HIVEP3: variants seen among roughly 807,000 people sequenced by gnomAD.
The protein encoded by HIVEP3 is transcription factor HIVEP3.
A neutral mutation model predicts 152.8 loss-of-function variants in HIVEP3; 49 were observed. That is an observed-to-expected ratio of 0.32 (90% CI 0.26 to 0.41). The LOEUF is 0.41. Ranked by LOEUF, HIVEP3 falls within the 10% of genes least tolerant of loss-of-function variation. The probability of loss-of-function intolerance (pLI) is 1.00; values close to 1 mark genes in which losing one functional copy is unlikely to be tolerated. For missense variants in HIVEP3, 2,790 were observed against 3,103.3 expected (o/e 0.90, Z 2.40); for synonymous variants, 1,269 against 1,289.0 (o/e 0.98, Z 0.33).
chr1:41,698,694 C>T (rs1288246944), intron 2 of HIVEP3, among the ~76,000 whole-genome samples: 1 of 152,104 alleles, frequency 6.6e-6, no homozygotes, highest in Admixed American at 6.5e-5. Flanking sequence ...GGCCCCATGA[C>T]CCCACTGCTG....
At position 41,818,057 on chromosome 1, in the gene HIVEP3, C is replaced by T. The variant is rs146364475; in HGVS notation, c.-801+100356G>A. 9.5e-4 allele frequency among the ~76,000 whole-genome samples: 144 copies of T among 152,266 alleles called. 1 individual carries two copies. The highest frequency in any genetic ancestry group is 3.3e-3 in the African/African-American group (139 of 41,546). On this transcript the variant is annotated intron_variant, in intron 1 of 8. Transcript: ENST00000372583. ...GCATATGAAGACTGGGAGAAGGCAT[C>T]TGCGATGTCTAAACACAACATACCA...
At chr1:41,808,545 G>A (rs1650769065) in intron 1 of HIVEP3, among the ~76,000 whole-genome samples, 1 of 152,194 alleles carries the variant, frequency 6.6e-6, no homozygotes, top group South Asian at 2.1e-4. Flanking sequence ...GTGTTGTCAT[G>A]GTGGCAAGCT....
rs374319074 is a variant in HIVEP3, at chr1:41,510,818, G to A, written c.6854C>T (p.Pro2285Leu). ...PKERERTGGG[P>L]GRPPDWTPHG... is the part of the protein sequence containing the mutation. The stretch of plus-strand genomic sequence containing the variant: ...GGGTGTCCAGTCAGGAGGCCTGCCC[G>A]GGCCTCCGCCGGTCCTCTCCCTCTC... Residue 2285 changes from proline (P) to leucine (L), a missense_variant, in exon 9 of 9, where the codon CCG (proline) becomes CTG (leucine). Transcript: ENST00000372583. 1.1e-4 allele frequency: 172 copies of A among 1,612,566 alleles called. No homozygotes were observed. The Admixed American group carries it at 1.5e-3, about 14-fold the overall frequency.
Position 41,580,659 on chromosome 1 carries a change from G to T in HIVEP3, c.4139C>A (p.Pro1380His). The T allele has an allele frequency of 6.2e-7, 1 of 1,614,002 alleles. No homozygotes were observed. The highest frequency in any genetic ancestry group is 8.5e-7 in the Non-Finnish European group (1 of 1,179,962). Residue 1380 changes from proline to histidine, a missense_variant, in exon 4 of 9, where the codon CCT becomes CAT. Coordinates refer to ENST00000372583, the MANE Select transcript of HIVEP3 (RefSeq NM_024503.5). ...GADVHEVGPGPSGLSEEQSRA... is the reference protein window; with the variant it reads ...GADVHEVGPGHSGLSEEQSRA... The stretch of plus-strand genomic sequence containing the variant: ...GCTTTGCTCTTCACTTAACCCAGAA[G>T]GGCCGGGCCCAACCTCATGCACATC...
chr1:41,770,376 G>T (rs1294324791), intron 1 of HIVEP3, among the ~76,000 whole-genome samples: 1 of 152,114 alleles, frequency 6.6e-6, no homozygotes, highest in Non-Finnish European at 1.5e-5. Context: ...AAAATGATTT[G>T]ATATTCCTCC....
rs139478925 is a variant in HIVEP3, at chr1:41,669,126, C to T, written c.-721+31790G>A. Among the ~76,000 whole-genome samples the T allele has an allele frequency of 4.3e-3, 656 of 152,322 alleles. 3 individuals are homozygous for T. The highest frequency in any genetic ancestry group is 0.01 in the Middle Eastern group (3 of 294). ...AGGATTTTCTGCTGATCTCTTGCAACTTGCTCCTCAAACCCACCCTGAACT... is the reference window on the plus strand; with the variant it reads ...AGGATTTTCTGCTGATCTCTTGCAATTTGCTCCTCAAACCCACCCTGAACT... On this transcript the variant is annotated intron_variant, in intron 2 of 8. Transcript: ENST00000372583.
chr1:41,699,018 TC>T (rs939665475), intron 2 of HIVEP3, among the ~76,000 whole-genome samples: 4 of 152,152 alleles, frequency 2.6e-5, no homozygotes, highest in African/African-American at 4.8e-5. Context: ...TGGCCTGACC[TC>T]CCATTAAGGC....
At chr1:41,531,691 G>A (rs1259297043) in intron 5 of HIVEP3, among the ~76,000 whole-genome samples, 1 of 108,880 alleles carries the variant, frequency 9.2e-6, no homozygotes, top group African/African-American at 3.6e-5. Flanking sequence ...GAGAGATAGA[G>A]GACAGGGGAG....
intron 1 of HIVEP3, among the ~76,000 whole-genome samples, chr1:41,993,710 T>C (rs530194736): frequency 2.5e-4 from 38 of 151,038 alleles, no homozygotes; most frequent in African/African-American, 8.2e-4. Context: ...CATATGTTTA[T>C]TGCGGCACTA....
At chr1:41,754,103 C>T (rs151209481) in intron 1 of HIVEP3, among the ~76,000 whole-genome samples, 38 of 152,222 alleles carry the variant, frequency 2.5e-4, no homozygotes, top group Non-Finnish European at 3.8e-4. Flanking sequence ...CAAGAGCACG[C>T]GGCATTCTGG....
intron 5 of HIVEP3, among the ~76,000 whole-genome samples, chr1:41,532,189 A>G: frequency 7.9e-6 from 1 of 125,978 alleles, no homozygotes; most frequent in Non-Finnish European, 1.6e-5. Flanking sequence ...GGAGGACAAG[A>G]GAGATGAAGG....
intron 1 of HIVEP3, among the ~76,000 whole-genome samples, chr1:41,733,922 C>G (rs930194806): frequency 6.6e-6 from 1 of 152,190 alleles, no homozygotes; most frequent in African/African-American, 2.4e-5. Flanking sequence ...TCTCAACCTC[C>G]AGCCCCTGCA....
At chr1:41,773,097 T>C (rs985825998) in intron 1 of HIVEP3, among the ~76,000 whole-genome samples, 1 of 152,150 alleles carries the variant, frequency 6.6e-6, no homozygotes, top group Non-Finnish European at 1.5e-5. Flanking sequence ...AGTTCAGATG[T>C]AGATTCAGGA....
At chr1:41,831,292 T>C (rs1222411073) in intron 1 of HIVEP3, among the ~76,000 whole-genome samples, 1 of 152,174 alleles carries the variant, frequency 6.6e-6, no homozygotes, top group African/African-American at 2.4e-5. Context: ...CCATTAACCA[T>C]CTGGGTGACC....
chr1:41,797,689 A>C lies in HIVEP3; in HGVS notation c.-800-96694T>G, dbSNP rs186954239. 8.5e-5 allele frequency among the ~76,000 whole-genome samples: 13 copies of C among 152,266 alleles called. No individual in the cohort carries two copies. The East Asian group carries it at 2.3e-3, about 27-fold the overall frequency. Reference sequence around the variant, plus strand: ...TGAAAACAAATCTAGAAATACTTGAATTTGTTTTAAAAAATTAGGTCAGGC... The same window carrying C: ...TGAAAACAAATCTAGAAATACTTGACTTTGTTTTAAAAAATTAGGTCAGGC... On this transcript the variant is annotated intron_variant, in intron 1 of 8. Transcript: ENST00000372583.
intron 3 of HIVEP3, among the ~76,000 whole-genome samples, chr1:41,590,408 T>C (rs1184435494): frequency 6.6e-6 from 1 of 152,188 alleles, no homozygotes; most frequent in Non-Finnish European, 1.5e-5. Context: ...TGGCCAATGA[T>C]GTATGCAACT....
chr1:41,929,250 T>G (rs1644983583), intron 1 of HIVEP3, among the ~76,000 whole-genome samples: 1 of 152,202 alleles, frequency 6.6e-6, no homozygotes, highest in African/African-American at 2.4e-5. Flanking sequence ...TGTATTCAAC[T>G]TTTATTTTTA....
rs1319369067 is a variant in HIVEP3, at chr1:41,507,691, G to A, written c.*2760C>T. 3 of 152,408 alleles carry A rather than the reference G, an allele frequency of 2.0e-5. No individual in the cohort carries two copies. The highest frequency in any genetic ancestry group is 4.8e-5 in the African/African-American group (2 of 41,474). The allele number at this position is 152,408 out of a possible 1,614,324, so 9.4% of individuals were successfully genotyped here. On this transcript the variant is annotated 3_prime_UTR_variant, in exon 9 of 9. Transcript: ENST00000372583. ...GGAAGCTTGGAAGTGACTGGGAGCA[G>A]GGCAGAAGGCCCAGAGGAGGGCGTG...
At chr1:41,916,590 A>T (rs1570803629) in intron 1 of HIVEP3, among the ~76,000 whole-genome samples, 1 of 151,444 alleles carries the variant, frequency 6.6e-6, no homozygotes, top group Non-Finnish European at 1.5e-5. Flanking sequence ...CTTGCAAAAA[A>T]CTCCCACAAT....
Sources: allele counts gnomAD v4.1 joint callset (sites outside exome capture counted in the v4.1 genomes callset), GRCh38; gene constraint gnomAD v4.1.1; transcripts MANE v1.5; gene names NCBI Gene and HGNC (gene_info 2026-07-23, HGNC 2026-07-21).